Variants in PREX1 observed in about 807,000 individuals in gnomAD.
PREX1 encodes phosphatidylinositol-3,4,5-trisphosphate dependent Rac exchange factor 1, also known as phosphatidylinositol 3,4,5-trisphosphate-dependent Rac exchanger 1 protein.
Under a neutral mutation model 198.3 loss-of-function variants are expected in PREX1, and 41 were observed. The ratio of observed to expected loss-of-function variants is 0.21; its 90% CI spans 0.16 to 0.27. The LOEUF (loss-of-function observed/expected upper bound fraction) is 0.27, where lower values mean the gene tolerates loss of function less well. Ranked by LOEUF, PREX1 falls within the 10% of genes least tolerant of loss-of-function variation. The probability of loss-of-function intolerance (pLI) is 1.00; values close to 1 mark genes in which losing one functional copy is unlikely to be tolerated. For synonymous variants in PREX1, 843 were observed against 887.2 expected, an observed-to-expected ratio of 0.95 and a Z score of 0.89; for missense variants, 1,620 against 2,200.7, an observed-to-expected ratio of 0.74 and a Z score of 5.28.
At chr20:48,688,836 G>T (rs1226867043) in intron 9 of PREX1, 32 bp from the exon 10 acceptor site, 5 of 1,613,016 alleles carry the variant, frequency 3.1e-6, no homozygotes, top group Admixed American at 1.7e-5. Context: ...ACTGGAGAGA[G>T]CACCAGGCCC....
chr20:48,801,844 G>C (rs1400160276), intron 1 of PREX1, among the ~76,000 whole-genome samples: 1 of 152,204 alleles, frequency 6.6e-6, no homozygotes, highest in Non-Finnish European at 1.5e-5. Context: ...CATCCTCACA[G>C]TAGTGAGCTC....
At chr20:48,707,729 A>G (rs1421980851) in intron 6 of PREX1, among the ~76,000 whole-genome samples, 2 of 152,206 alleles carry the variant, frequency 1.3e-5, no homozygotes, top group Non-Finnish European at 2.9e-5. Flanking sequence ...TGATCTCAAG[A>G]ACCCCATCCC....
intron 1 of PREX1, among the ~76,000 whole-genome samples, chr20:48,758,645 C>G (rs1890547139): frequency 6.6e-6 from 1 of 152,202 alleles, no homozygotes; most frequent in Non-Finnish European, 1.5e-5. Context: ...GAGGAGGTGG[C>G]TGCGGAACCA....
chr20:48,639,017 C>T (rs1227737921), intron 30 of PREX1, among the ~76,000 whole-genome samples: 1 of 152,238 alleles, frequency 6.6e-6, no homozygotes, highest in Non-Finnish European at 1.5e-5. Context: ...GCCCAGAGTC[C>T]TCTAATCTCC....
the PREX1 span, among the ~76,000 whole-genome samples, chr20:48,878,660 T>C: frequency 6.6e-6 from 1 of 152,108 alleles, no homozygotes; most frequent in Non-Finnish European, 1.5e-5. Context: ...TTCTGGCAAC[T>C]CTCTGGCATC....
intron 4 of PREX1, among the ~76,000 whole-genome samples, chr20:48,729,627 G>C (rs1946812953): frequency 6.6e-6 from 1 of 152,052 alleles, no homozygotes; most frequent in African/African-American, 2.4e-5. Flanking sequence ...AGTCATATTT[G>C]ACTCCTCTCG....
intron 8 of PREX1, chr20:48,692,354 T>C: frequency 4.3e-6 from 1 of 233,452 alleles, no homozygotes. Context: ...TTAATTAAAA[T>C]GTTTAGTCAT....
chr20:48,681,819 G>C (rs1228324699), intron 10 of PREX1, among the ~76,000 whole-genome samples: 1 of 152,178 alleles, frequency 6.6e-6, no homozygotes, highest in Non-Finnish European at 1.5e-5. Flanking sequence ...ATGAAGAAGA[G>C]AGTGAGTAGA....
intron 5 of PREX1, among the ~76,000 whole-genome samples, chr20:48,722,635 C>T: frequency 6.6e-6 from 1 of 152,198 alleles, no homozygotes; most frequent in East Asian, 1.9e-4. Flanking sequence ...GGCCAGAGGA[C>T]TAAGCCCAGG....
intron 3 of PREX1, among the ~76,000 whole-genome samples, chr20:48,743,654 T>C (rs540534872): frequency 6.6e-6 from 1 of 152,400 alleles, no homozygotes; most frequent in South Asian, 2.1e-4. Context: ...GGAGCTGCAC[T>C]GAGCAGGCTC....
At chr20:48,751,358 T>A (rs1298179998) in intron 1 of PREX1, among the ~76,000 whole-genome samples, 2 of 152,184 alleles carry the variant, frequency 1.3e-5, no homozygotes, top group African/African-American at 4.8e-5. Flanking sequence ...AGTGCCGCAC[T>A]CCGCTGGCCT....
At chr20:48,801,129 G>A (rs1053286229) in intron 1 of PREX1, among the ~76,000 whole-genome samples, 2 of 152,202 alleles carry the variant, frequency 1.3e-5, no homozygotes, top group Non-Finnish European at 2.9e-5. Context: ...CAGCTGAAGA[G>A]CTTAAGACAT....
At chr20:48,811,135 G>C (rs183564988) in intron 1 of PREX1, among the ~76,000 whole-genome samples, 32 of 152,162 alleles carry the variant, frequency 2.1e-4, no homozygotes, top group African/African-American at 7.5e-4. Flanking sequence ...ATAGGTTTTT[G>C]TATGAAATGT....
At chr20:48,869,134 T>C in the PREX1 span, among the ~76,000 whole-genome samples, 3 of 152,148 alleles carry the variant, frequency 2.0e-5, no homozygotes, top group Non-Finnish European at 4.4e-5. Context: ...CTTGACCTCC[T>C]AAAATGCTGG....
At chr20:48,631,534 C>T (rs187256607) in intron 35 of PREX1, among the ~76,000 whole-genome samples, 9 of 152,292 alleles carry the variant, frequency 5.9e-5, no homozygotes, top group Non-Finnish European at 1.0e-4. Flanking sequence ...CCACAGATGG[C>T]GCAGAACAGA....
chr20:48,847,385 C>CA, the PREX1 span, among the ~76,000 whole-genome samples: 1 of 122,194 alleles, frequency 8.2e-6, no homozygotes, highest in South Asian at 2.7e-4. Context: ...AAAAAAAAAA[C>CA]AAACCCTCCC....
the PREX1 span, among the ~76,000 whole-genome samples, chr20:48,847,363 A>AT: frequency 1.1e-4 from 14 of 130,070 alleles, no homozygotes; most frequent in African/African-American, 3.4e-4. Flanking sequence ...TCCTTCTCTT[A>AT]TAAAAAAAAA....
At chr20:48,713,112 G>A (rs2089941684) in intron 5 of PREX1, among the ~76,000 whole-genome samples, 1 of 151,824 alleles carries the variant, frequency 6.6e-6, no homozygotes, top group African/African-American at 2.4e-5. Flanking sequence ...CTGCACTCCA[G>A]CCTGGGTGAC....
intron 27 of PREX1, 79 bp from the exon 28 acceptor site, chr20:48,642,568 G>C: frequency 1.5e-6 from 2 of 1,290,414 alleles, no homozygotes; most frequent in Non-Finnish European, 2.2e-6. Context: ...CTAAGAGGGG[G>C]ATACAGCTAC....
Sources: allele counts gnomAD v4.1 joint callset (sites outside exome capture counted in the v4.1 genomes callset), GRCh38; gene constraint gnomAD v4.1.1; transcripts MANE v1.5; gene names NCBI Gene and HGNC (gene_info 2026-07-23, HGNC 2026-07-21).